Variants in RABEPK observed in about 807,000 individuals in gnomAD.
RABEPK encodes Rab9 effector protein with kelch motifs, also known as 40 kDa Rab9 effector protein.
RABEPK carries 27 observed loss-of-function variants against 34.1 expected under a neutral mutation model. That is an observed-to-expected ratio of 0.79 (90% CI 0.58 to 1.09). The LOEUF is 1.09. Among genes scored for constraint, RABEPK ranks in the 50% least tolerant of loss-of-function variants. The pLI, the probability that RABEPK is intolerant of heterozygous loss-of-function variation, is 0.00. For missense variants in RABEPK, 449 were observed against 462.6 expected (o/e 0.97, Z 0.27); for synonymous variants, 172 against 169.2 (o/e 1.02, Z -0.13).
intron 6 of RABEPK, among the ~76,000 whole-genome samples, chr9:125,229,032 T>C (rs1432720868): frequency 1.3e-5 from 2 of 149,312 alleles, no homozygotes; most frequent in Non-Finnish European, 3.0e-5. Context: ...GGCAGGTGGA[T>C]CATCTGAGGT....
chr9:125,209,057 C>CTTTT (rs35098822), intron 3 of RABEPK, among the ~76,000 whole-genome samples: 36 of 121,740 alleles, frequency 3.0e-4, no homozygotes, highest in African/African-American at 7.7e-4. Flanking sequence ...CTCAACCTCC[C>CTTTT]TTTTTTTTTT....
At chr9:125,228,688 G>A (rs1831952989) in intron 6 of RABEPK, among the ~76,000 whole-genome samples, 1 of 151,046 alleles carries the variant, frequency 6.6e-6, no homozygotes, top group African/African-American at 2.4e-5. Flanking sequence ...AAAAAGCCGG[G>A]CTTGGTGACT....
chr9:125,207,646 A>G lies in RABEPK; in HGVS notation c.136A>G (p.Lys46Glu). 6.2e-7 allele frequency: 1 copy of G among 1,614,166 alleles called. No individual in the cohort carries two copies. The highest frequency in any genetic ancestry group is 8.5e-7 in the Non-Finnish European group (1 of 1,180,014). Reference protein sequence around the residue: ...CSYLPPVGNAKRGKVFIVGGA... With the variant: ...CSYLPPVGNAERGKVFIVGGA... ...ATATTTACCCCCAGTTGGTAATGCC[A>G]AGAGAGGGAAGGTCTTCATTGTTGG... The change falls in exon 3 of 8, where the codon AAG becomes GAG. Residue 46 changes from lysine (K) to glutamate (E), a missense_variant. Lys to Glu is a moderately conservative substitution (Grantham distance 56). Coordinates refer to ENST00000373538, the MANE Select transcript of RABEPK (RefSeq NM_005833.4).
intron 4 of RABEPK, 187 bp from the exon 5 acceptor site, chr9:125,220,352 T>G (rs1450564764): frequency 1.4e-6 from 2 of 1,448,380 alleles, no homozygotes; most frequent in African/African-American, 1.4e-5. Context: ...GATTTTGGAC[T>G]GTCTTGGCAA....
chr9:125,216,443 G>A (rs892416352), intron 4 of RABEPK, among the ~76,000 whole-genome samples: 1 of 151,882 alleles, frequency 6.6e-6, no homozygotes, highest in African/African-American at 2.4e-5. Context: ...TTGTACAATA[G>A]TTGGTCAGAG....
chr9:125,213,654 C>T, intron 4 of RABEPK, 132 bp downstream of exon 4: 1 of 798,930 alleles, frequency 1.3e-6, no homozygotes, highest in Non-Finnish European at 1.9e-6. Context: ...ACTTTGCTGA[C>T]ATAGAAAATA....
chr9:125,216,928 C>T (rs1371481517), intron 4 of RABEPK, among the ~76,000 whole-genome samples: 1 of 150,136 alleles, frequency 6.7e-6, no homozygotes, highest in Non-Finnish European at 1.5e-5. Flanking sequence ...GATCGCGCCA[C>T]TGCACTCCAG....
At chr9:125,220,134 G>T (rs1831219946) in intron 4 of RABEPK, among the ~76,000 whole-genome samples, 1 of 152,056 alleles carries the variant, frequency 6.6e-6, no homozygotes, top group Non-Finnish European at 1.5e-5. Context: ...GAGGAGCTGG[G>T]ATTACAGGTC....
chr9:125,202,889 T>C (rs1829994313), intron 1 of RABEPK, 119 bp from the exon 2 acceptor site: 3 of 512,732 alleles, frequency 5.9e-6, no homozygotes, highest in Admixed American at 3.2e-5. Flanking sequence ...GTGATTCTTA[T>C]TCAAATCAAT....
intron 6 of RABEPK, among the ~76,000 whole-genome samples, chr9:125,228,924 T>G (rs1297880301): frequency 1.6e-5 from 2 of 128,134 alleles, no homozygotes; most frequent in Admixed American, 7.8e-5. Context: ...GACCACACCA[T>G]TGCACTCCAG....
intron 5 of RABEPK, among the ~76,000 whole-genome samples, chr9:125,224,733 C>T (rs1831615454): frequency 6.6e-6 from 1 of 152,110 alleles, no homozygotes; most frequent in Non-Finnish European, 1.5e-5. Context: ...GGATTACAGT[C>T]ATAAGCCACT....
chr9:125,223,476 T>A lies in RABEPK; in HGVS notation c.526+2776T>A, dbSNP rs186881942. On this transcript the variant is annotated intron_variant, in intron 5 of 7. Coordinates refer to ENST00000373538, the MANE Select transcript of RABEPK (RefSeq NM_005833.4). ...GTCTCAAAAAAATAAATAAATTTTT[T>A]AAAAAGTGTGTAATATTTCCTCATG... is the stretch of plus-strand genomic sequence containing the variant. Among the ~76,000 whole-genome samples, 1,388 of 152,072 alleles carry A rather than the reference T, an allele frequency of 9.1e-3. 24 individuals carry two copies. The highest frequency in any genetic ancestry group is 0.031 in the African/African-American group (1,300 of 41,482).
intron 6 of RABEPK, among the ~76,000 whole-genome samples, chr9:125,228,456 A>C (rs891519098): frequency 6.6e-6 from 1 of 152,046 alleles, no homozygotes; most frequent in African/African-American, 2.4e-5. Context: ...CAGGAGTTTG[A>C]GACCAGCCTG....
Position 125,233,724 on chromosome 9 carries a change from T to C in RABEPK, c.863T>C (p.Leu288Pro). 1 of 1,614,148 alleles carries C rather than the reference T, an allele frequency of 6.2e-7. No homozygotes were observed. The highest frequency in any genetic ancestry group is 1.3e-5 in the African/African-American group (1 of 75,030). Residue 288 changes from leucine to proline, a missense_variant, in exon 8 of 8, where the codon CTT (leucine) becomes CCT (proline). Physicochemically the swap from Leu to Pro is moderately conservative, Grantham distance 98. Transcript: ENST00000373538. The stretch of plus-strand genomic sequence containing the variant: ...TGGACCTTGCTTAAATTTGATACTC[T>C]TCTACCCCCTGGACGATTGGACCAT... The part of the protein sequence containing the change: ...QHWTLLKFDT[L>P]LPPGRLDHSM...
At chr9:125,203,482 C>A (rs1002689224) in intron 2 of RABEPK, among the ~76,000 whole-genome samples, 1 of 152,276 alleles carries the variant, frequency 6.6e-6, no homozygotes, top group South Asian at 2.1e-4. Flanking sequence ...TCTGTGGGTG[C>A]TGGAGGTAGA....
chr9:125,222,467 C>T (rs2131410162), intron 5 of RABEPK: 1 of 151,406 alleles, frequency 6.6e-6, no homozygotes, highest in East Asian at 1.9e-4. Flanking sequence ...AATGCCAGGA[C>T]TTTGGGAGGC....
chr9:125,219,951 G>A (rs1831205840), intron 4 of RABEPK, among the ~76,000 whole-genome samples: 1 of 151,998 alleles, frequency 6.6e-6, no homozygotes, highest in Non-Finnish European at 1.5e-5. Context: ...AAGTAGAAGA[G>A]GGTTCAGAGA....
At chr9:125,202,493 A>G (rs1435211109) in intron 1 of RABEPK, among the ~76,000 whole-genome samples, 1 of 150,548 alleles carries the variant, frequency 6.6e-6, no homozygotes, top group Admixed American at 6.7e-5. Flanking sequence ...CTGCACTCCA[A>G]CCTGTGCAAC....
intron 5 of RABEPK, among the ~76,000 whole-genome samples, chr9:125,222,581 A>G (rs476671): frequency 0.78 from 117,339 of 151,222 alleles, 46,226 homozygotes; most frequent in African/African-American, 0.91. Context: ...GGGCGTGGTG[A>G]CGCACACCTG....
Sources: allele counts gnomAD v4.1 joint callset (sites outside exome capture counted in the v4.1 genomes callset), GRCh38; gene constraint gnomAD v4.1.1; transcripts MANE v1.5; gene names NCBI Gene and HGNC (gene_info 2026-07-23, HGNC 2026-07-21).